COL4A4: variants seen among roughly 807,000 people sequenced by gnomAD.
The protein encoded by COL4A4 is collagen alpha-4(IV) chain.
Under a neutral mutation model 192.9 loss-of-function variants are expected in COL4A4, and 105 were observed. The observed-to-expected ratio is 0.54, with a 90% CI of 0.46 to 0.64. The LOEUF (loss-of-function observed/expected upper bound fraction) is 0.64, where lower values mean the gene tolerates loss of function less well. COL4A4 is among the 30% of genes least tolerant of loss of function. The pLI is 0.00. For synonymous variants in COL4A4, 762 were observed against 769.9 expected (o/e 0.99, Z 0.17); for missense variants, 1,967 against 2,169.3 (o/e 0.91, Z 1.85).
At chr2:227,131,183 TCTCA>T (rs1470532351) in intron 4 of COL4A4, among the ~76,000 whole-genome samples, 1 of 149,522 alleles carries the variant, frequency 6.7e-6, no homozygotes, top group Non-Finnish European at 1.5e-5. Context: ...TAAGATGGAG[TCTCA>T]CTCTGTCGCC....
intron 35 of COL4A4, among the ~76,000 whole-genome samples, chr2:227,045,474 T>C (rs371112386): frequency 9.3e-6 from 1 of 107,756 alleles, no homozygotes; most frequent in African/African-American, 3.8e-5. Flanking sequence ...AGTTAAAATA[T>C]TATACTATGT....
At position 227,043,078 on chromosome 2, in the gene COL4A4, T is replaced by C. The variant is rs764202284; in HGVS notation, c.3396A>G (p.Pro1132=). ...PPGSSGPPGC[P]GDHGMPGLRG... The stretch of plus-strand genomic sequence containing the variant: ...TCTCCAGATTTCCTTTCAAGGTACC[T>C]GGGCACCCTGGTGGTCCAGAGGAGC... The change falls in exon 36 of 48, where the codon CCA becomes CCG. Residue 1132 remains proline (P), a splice_region_variant and synonymous_variant. Coordinates refer to ENST00000396625, the MANE Select transcript of COL4A4 (RefSeq NM_000092.5). 1 of 1,611,028 alleles carries C rather than the reference T, an allele frequency of 6.2e-7. No homozygotes were observed. Among genetic ancestry groups the C allele is most frequent in the Non-Finnish European group, 8.5e-7 (1 of 1,177,998 alleles).
Position 227,032,276 on chromosome 2 carries a change from C to T in COL4A4, c.3578G>A (p.Gly1193Asp). The T allele has an allele frequency of 6.2e-7, 1 of 1,613,334 alleles. No individual in the cohort carries two copies. The highest frequency in any genetic ancestry group is 8.5e-7 in the Non-Finnish European group (1 of 1,179,556). ...ACCAGGTGGCCCCACATCATGCAAA[C>T]CTTAATGGGGAAAACAGAATTAATA... ...KGQKGTKGAS[G>D]LHDVGPPGPV... Residue 1193 changes from glycine to aspartate, a missense_variant and splice_region_variant, in exon 39 of 48, where the codon GGT (glycine) becomes GAT (aspartate). By Grantham distance (94) the Gly-to-Asp change is moderately conservative (BLOSUM62 -1). Transcript: ENST00000396625.
chr2:227,076,459 C>T (rs778282104), intron 25 of COL4A4, among the ~76,000 whole-genome samples: 1 of 152,124 alleles, frequency 6.6e-6, no homozygotes, highest in Non-Finnish European at 1.5e-5. Context: ...GAAACTGGAC[C>T]CCTTCCTTAC....
At chr2:227,106,957 C>G (rs1190991141) in intron 12 of COL4A4, among the ~76,000 whole-genome samples, 2 of 152,174 alleles carry the variant, frequency 1.3e-5, no homozygotes, top group African/African-American at 2.4e-5. Flanking sequence ...ACCTCATAGC[C>G]AAATACTTCC....
rs187237353 is a variant in COL4A4, at chr2:227,042,471, C to A, written c.3398-216G>T. ...TGAAGTTGCCAACTATAGTTTGAAACTTTCTCTTTTTTTCTGAATTGGCAG... is the reference window on the plus strand; with the variant it reads ...TGAAGTTGCCAACTATAGTTTGAAAATTTCTCTTTTTTTCTGAATTGGCAG... On this transcript the variant is annotated intron_variant, in intron 36 of 47. Coordinates refer to ENST00000396625, the MANE Select transcript of COL4A4 (RefSeq NM_000092.5). Among the ~76,000 whole-genome samples the A allele has an allele frequency of 2.9e-3, 444 of 152,236 alleles. 3 individuals are homozygous for A. The highest frequency in any genetic ancestry group is 0.01 in the African/African-American group (420 of 41,546).
chr2:226,968,432 A>G, the COL4A4 span, among the ~76,000 whole-genome samples: 1 of 152,166 alleles, frequency 6.6e-6, no homozygotes, highest in Non-Finnish European at 1.5e-5. Flanking sequence ...GGGAAGTTTC[A>G]GCTCTGCTCT....
chr2:227,078,428 A>G (rs1384300021), intron 24 of COL4A4, among the ~76,000 whole-genome samples: 2 of 152,036 alleles, frequency 1.3e-5, no homozygotes, highest in Non-Finnish European at 2.9e-5. Flanking sequence ...TTTTTAGTAG[A>G]GACTGAGTTT....
At chr2:227,088,243 G>A (rs2059707846) in intron 22 of COL4A4, among the ~76,000 whole-genome samples, 1 of 152,196 alleles carries the variant, frequency 6.6e-6, no homozygotes, top group Admixed American at 6.5e-5. Context: ...CTACGTGTCT[G>A]ATATGGTTTG....
At chr2:227,037,316 ATGAG>A (rs1289630549) in intron 37 of COL4A4, among the ~76,000 whole-genome samples, 1 of 152,084 alleles carries the variant, frequency 6.6e-6, no homozygotes, top group Non-Finnish European at 1.5e-5. Context: ...GCTCCCACTT[ATGAG>A]TGAGAACATG....
At chr2:227,063,073 A>G (rs915492467) in intron 25 of COL4A4, among the ~76,000 whole-genome samples, 1 of 152,204 alleles carries the variant, frequency 6.6e-6, no homozygotes, top group African/African-American at 2.4e-5. Flanking sequence ...AATTGTGCAA[A>G]TGAAGAGGCT....
Position 227,123,035 on chromosome 2 carries a change from T to C in COL4A4, c.193-1887A>G, listed in dbSNP as rs555072550. 6.6e-6 allele frequency among the ~76,000 whole-genome samples: 1 copy of C among 152,218 alleles called. No homozygotes were observed. Among genetic ancestry groups the C allele is most frequent in the African/African-American group, 2.4e-5 (1 of 41,556 alleles). Reference sequence around the variant, plus strand: ...GCATGCCACCACACCTGGCTAATTTTTGTATTTTTAGTAGAGACTGGGTTT... The same window carrying C: ...GCATGCCACCACACCTGGCTAATTTCTGTATTTTTAGTAGAGACTGGGTTT... On this transcript the variant is annotated intron_variant, in intron 4 of 47. Coordinates refer to ENST00000396625, the MANE Select transcript of COL4A4 (RefSeq NM_000092.5). This position sits in a 1 kb window ranked among gnomAD's most constrained non-coding sequence, Gnocchi z 4.6.
intron 4 of COL4A4, among the ~76,000 whole-genome samples, chr2:227,126,352 T>TAG (rs2062088007): frequency 6.6e-6 from 1 of 152,222 alleles, no homozygotes; most frequent in Non-Finnish European, 1.5e-5. Flanking sequence ...TGAATTGTCA[T>TAG]TCCTAGAACG....
the COL4A4 span, among the ~76,000 whole-genome samples, chr2:226,986,148 T>C: frequency 1.3e-5 from 2 of 152,198 alleles, no homozygotes; most frequent in Non-Finnish European, 2.9e-5. Context: ...CTTCACGATA[T>C]CTGTCTGCTA....
At chr2:227,025,124 A>G (rs775666542) in intron 43 of COL4A4, among the ~76,000 whole-genome samples, 16 of 152,226 alleles carry the variant, frequency 1.1e-4, no homozygotes, top group Non-Finnish European at 2.1e-4. Context: ...TCTTCTAAAG[A>G]CCTTAAAAAT....
chr2:227,155,017 G>A (rs2064225269), intron 1 of COL4A4, among the ~76,000 whole-genome samples: 1 of 152,222 alleles, frequency 6.6e-6, no homozygotes, highest in South Asian at 2.1e-4. Flanking sequence ...GGTTTTCAAA[G>A]TGGGTCATGA....
chr2:227,062,682 A>G (rs1403572426), intron 25 of COL4A4, 84 bp from the exon 26 acceptor site: 2 of 961,554 alleles, frequency 2.1e-6, no homozygotes, highest in African/African-American at 3.2e-5. Flanking sequence ...CTTCCTCAAG[A>G]TATTTTTCTG....
In COL4A4 at chr2:227,003,067, C is replaced by CTGAT. The variant is rs1447972513; in HGVS notation, c.*4254_*4257dup. The CTGAT allele has an allele frequency of 2.0e-5, 3 of 152,462 alleles. No homozygotes were observed. The highest frequency in any genetic ancestry group is 4.8e-5 in the African/African-American group (2 of 41,416). The allele number at this position is 152,462 out of a possible 1,614,324, so 9.4% of individuals were successfully genotyped here. ...AATTGTTTGTTCCCTGCAGAACTTA[C>CTGAT]TGATAATGTCCCTGCAGGAAATTGT... is the stretch of plus-strand genomic sequence containing the variant. On this transcript the variant is annotated 3_prime_UTR_variant, in exon 48 of 48. Transcript: ENST00000396625.
the COL4A4 span, among the ~76,000 whole-genome samples, chr2:226,984,200 C>T: frequency 2.6e-5 from 4 of 152,284 alleles, no homozygotes; most frequent in Admixed American, 6.5e-5. Context: ...AGTTGCCAAG[C>T]TGCCAACTTC....
Sources: allele counts gnomAD v4.1 joint callset (sites outside exome capture counted in the v4.1 genomes callset), GRCh38; gene constraint gnomAD v4.1.1; non-coding constraint Gnocchi (gnomAD v3.1); transcripts MANE v1.5; gene names NCBI Gene and HGNC (gene_info 2026-07-23, HGNC 2026-07-21).